ASIC2: variants seen among roughly 807,000 people sequenced by gnomAD.
ASIC2 encodes acid-sensing ion channel 2.
In ASIC2, 25 loss-of-function variants were observed where a neutral mutation model predicts 57.3. The ratio of observed to expected loss-of-function variants is 0.44; its 90% CI spans 0.32 to 0.61. The LOEUF (loss-of-function observed/expected upper bound fraction) is 0.61. Among genes scored for constraint, ASIC2 ranks in the 20% least tolerant of loss-of-function variants. The probability of loss-of-function intolerance (pLI) is 0.06; values close to 1 mark genes in which losing one functional copy is unlikely to be tolerated. For synonymous variants in ASIC2, 319 were observed against 307.5 expected, an observed-to-expected ratio of 1.04 and a Z score of -0.39; for missense variants, 641 against 738.1, an observed-to-expected ratio of 0.87 and a Z score of 1.52.
At chr17:33,878,086 G>T (rs1030643519) in intron 1 of ASIC2, among the ~76,000 whole-genome samples, 1 of 152,144 alleles carries the variant, frequency 6.6e-6, no homozygotes, top group Non-Finnish European at 1.5e-5. Flanking sequence ...AGAAAGGACA[G>T]CCACACCAAA....
In ASIC2 at chr17:34,148,782, G is replaced by A. The variant is rs910381105; in HGVS notation, c.555+7196C>T. The stretch of plus-strand genomic sequence containing the variant: ...CAAGATGGCATCAGATAAACAAGCA[G>A]AAATACTATCAATAAATTTCCATCA... On this transcript the variant is annotated intron_variant, in intron 1 of 9. Coordinates refer to the ASIC2 transcript ENST00000359872. 1.8e-4 allele frequency among the ~76,000 whole-genome samples: 27 copies of A among 152,156 alleles called. 1 individual carries two copies. The highest frequency in any genetic ancestry group is 2.6e-4 in the Admixed American group (4 of 15,276).
At chr17:33,260,870 G>A (rs1035608588) in intron 1 of ASIC2, among the ~76,000 whole-genome samples, 4 of 152,132 alleles carry the variant, frequency 2.6e-5, no homozygotes, top group Non-Finnish European at 2.9e-5. Flanking sequence ...CCGACCAAAC[G>A]CTGGCCTCCT....
intron 3 of ASIC2, among the ~76,000 whole-genome samples, chr17:33,049,436 C>T (rs964322062): frequency 3.3e-5 from 5 of 152,152 alleles, no homozygotes; most frequent in Non-Finnish European, 5.9e-5. Context: ...ATGTCTATAA[C>T]ATCTTACCAT....
chr17:33,650,012 T>C lies in ASIC2; in HGVS notation c.555+505966A>G, dbSNP rs1906868873. ...TGAATTTCATCAAAATTAAAAACTTTTGCTATTTGAAAGACTCTCTTAAGA... is the reference window on the plus strand; with the variant it reads ...TGAATTTCATCAAAATTAAAAACTTCTGCTATTTGAAAGACTCTCTTAAGA... On this transcript the variant is annotated intron_variant, in intron 1 of 9. Coordinates refer to the ASIC2 transcript ENST00000359872. 2.0e-5 allele frequency among the ~76,000 whole-genome samples: 3 copies of C among 152,330 alleles called. No individual in the cohort carries two copies. In the South Asian group the frequency reaches 6.2e-4, roughly 32 times the overall value.
intron 1 of ASIC2, among the ~76,000 whole-genome samples, chr17:33,151,691 A>T (rs555020071): frequency 6.6e-6 from 1 of 152,272 alleles, no homozygotes; most frequent in Non-Finnish European, 1.5e-5. Context: ...GGTTCACCCC[A>T]CTTCCCTGCT....
intron 1 of ASIC2, among the ~76,000 whole-genome samples, chr17:34,016,484 C>G (rs1476245832): frequency 6.9e-6 from 1 of 145,574 alleles, no homozygotes; most frequent in Non-Finnish European, 1.5e-5. Context: ...TCCATCTTTA[C>G]AGCGCAACAT....
intron 1 of ASIC2, among the ~76,000 whole-genome samples, chr17:33,961,305 A>G (rs999263168): frequency 2.0e-5 from 3 of 152,224 alleles, no homozygotes; most frequent in Non-Finnish European, 2.9e-5. Context: ...CTTATGTAGG[A>G]CAAAGCCTCA....
chr17:33,418,130 GA>G (rs1390205295), intron 1 of ASIC2, among the ~76,000 whole-genome samples: 1 of 150,698 alleles, frequency 6.6e-6, no homozygotes, highest in East Asian at 2.0e-4. Context: ...ATTCAGCTGT[GA>G]AAAGATATTC....
chr17:33,912,920 A>C (rs1184537016), intron 1 of ASIC2, among the ~76,000 whole-genome samples: 1 of 152,134 alleles, frequency 6.6e-6, no homozygotes, highest in Non-Finnish European at 1.5e-5. Flanking sequence ...CAGAGGTTGC[A>C]GTGAGCCAAG....
intron 1 of ASIC2, among the ~76,000 whole-genome samples, chr17:33,244,265 T>G (rs181499532): frequency 7.9e-5 from 12 of 152,308 alleles, no homozygotes; most frequent in Non-Finnish European, 1.3e-4. Flanking sequence ...GACAACTGTG[T>G]ATTTGCCTGC....
chr17:33,496,599 G>A (rs919393873), intron 1 of ASIC2, among the ~76,000 whole-genome samples: 15 of 97,358 alleles, frequency 1.5e-4, no homozygotes, highest in African/African-American at 5.1e-4. Flanking sequence ...AATAGTTATT[G>A]TAGGTTTTTT....
intron 1 of ASIC2, among the ~76,000 whole-genome samples, chr17:33,358,381 C>A (rs1312454859): frequency 1.3e-5 from 2 of 152,156 alleles, no homozygotes; most frequent in African/African-American, 4.8e-5. Context: ...TGTAAAATGC[C>A]TCCTGATGGA....
At chr17:33,080,958 G>A (rs2092110903) in intron 3 of ASIC2, among the ~76,000 whole-genome samples, 1 of 152,218 alleles carries the variant, frequency 6.6e-6, no homozygotes, top group Non-Finnish European at 1.5e-5. Context: ...TTGACTGTGT[G>A]TAACTGACAT....
At chr17:34,100,565 G>T (rs922270065) in intron 1 of ASIC2, among the ~76,000 whole-genome samples, 27 of 152,138 alleles carry the variant, frequency 1.8e-4, no homozygotes, top group African/African-American at 6.5e-4. Context: ...GGCCCTCCAG[G>T]ATGGCTGAGA....
At chr17:33,447,460 G>T (rs1912068920) in intron 1 of ASIC2, among the ~76,000 whole-genome samples, 1 of 152,174 alleles carries the variant, frequency 6.6e-6, no homozygotes. Context: ...AACACTACAG[G>T]TATGAGTGAG....
At position 33,236,942 on chromosome 17, in the gene ASIC2, T is replaced by C. The variant is rs116417979; in HGVS notation, c.708+54466A>G. Among the ~76,000 whole-genome samples the C allele has an allele frequency of 6.0e-3, 917 of 152,218 alleles. 13 individuals carry two copies. Among genetic ancestry groups the C allele is most frequent in the African/African-American group, 0.02 (822 of 41,532 alleles). On this transcript the variant is annotated intron_variant, in intron 1 of 9. Coordinates refer to ENST00000225823, the MANE Select transcript of ASIC2 (RefSeq NM_183377.2). ...CTCCTGGCACCAAAATGTGAGACAA[T>C]AAATTTCTGTTGTTTGAAGCCACAT...
chr17:33,414,845 A>G (rs1328231113), intron 1 of ASIC2, among the ~76,000 whole-genome samples: 1 of 152,208 alleles, frequency 6.6e-6, no homozygotes, highest in Non-Finnish European at 1.5e-5. Context: ...CAGGTTCCAA[A>G]AAGCCTCTTC....
intron 3 of ASIC2, among the ~76,000 whole-genome samples, chr17:33,077,985 C>A (rs997423235): frequency 6.6e-6 from 1 of 151,934 alleles, no homozygotes; most frequent in Non-Finnish European, 1.5e-5. Context: ...CCTTTTTCCC[C>A]CTTTAAAAAA....
At chr17:33,884,230 A>T (rs184167023) in intron 1 of ASIC2, among the ~76,000 whole-genome samples, 2 of 152,232 alleles carry the variant, frequency 1.3e-5, no homozygotes, top group African/African-American at 4.8e-5. Context: ...AGGTCAGGAT[A>T]TTTATTTCCC....
Sources: gnomAD v4.1 joint callset for allele counts (sites outside exome capture counted in the v4.1 genomes callset) on GRCh38, gnomAD v4.1.1 for gene constraint, MANE v1.5 for transcripts, NCBI Gene and HGNC (gene_info 2026-07-23, HGNC 2026-07-21) for gene names.